Variants in MOB2 observed in about 807,000 individuals in gnomAD.
The protein encoded by MOB2 is MOB kinase activator 2.
A neutral mutation model predicts 27.4 loss-of-function variants in MOB2; 14 were observed. That is an observed-to-expected ratio of 0.51 (90% CI 0.34 to 0.80). The LOEUF (loss-of-function observed/expected upper bound fraction) is 0.80, where lower values mean the gene tolerates loss of function less well. Ranked by LOEUF, MOB2 falls within the 30% of genes least tolerant of loss-of-function variation. The pLI is 0.01. For synonymous variants in MOB2, 167 were observed against 151.8 expected (o/e 1.10, Z -0.74); for missense variants, 304 against 354.6 (o/e 0.86, Z 1.15).
At chr11:1,471,705 G>C (rs1455270841) in intron 3 of MOB2, 1 of 341,708 alleles carries the variant, frequency 2.9e-6, no homozygotes, top group Non-Finnish European at 5.3e-6. Context: ...TTAAATGAAG[G>C]GGTCATCTTC....
intron 3 of MOB2, among the ~76,000 whole-genome samples, chr11:1,478,315 C>T (rs1011368366): frequency 6.6e-6 from 1 of 152,282 alleles, no homozygotes; most frequent in Non-Finnish European, 1.5e-5. Flanking sequence ...CTGGCGTCTC[C>T]ACAAACACTC....
chr11:1,485,100 G>C (rs1214652296), intron 1 of MOB2, among the ~76,000 whole-genome samples: 1 of 152,214 alleles, frequency 6.6e-6, no homozygotes, highest in Non-Finnish European at 1.5e-5. Flanking sequence ...ATGCTCCACT[G>C]CGCCTCGGCC....
intron 3 of MOB2, among the ~76,000 whole-genome samples, chr11:1,475,909 C>T (rs1847847852): frequency 6.6e-6 from 1 of 152,246 alleles, no homozygotes; most frequent in Non-Finnish European, 1.5e-5. Flanking sequence ...ACCTTTTCAT[C>T]TTTAGGTCAA....
In MOB2 at chr11:1,479,875, C is replaced by T. The variant is rs111260158; in HGVS notation, c.365+518G>A. Among the ~76,000 whole-genome samples, 267 of 152,334 alleles carry T rather than the reference C, an allele frequency of 1.8e-3. 1 individual carries two copies. Among genetic ancestry groups the T allele is most frequent in the Admixed American group, 3.1e-3 (47 of 15,314 alleles). ...CCTGGCGGCGCTCCTTCCCATGCTA[C>T]GCAAGTGAGGTGCTCAGGGCCACTA... On this transcript the variant is annotated intron_variant, in intron 3 of 4. Coordinates refer to ENST00000329957, the MANE Select transcript of MOB2 (RefSeq NM_001172223.3).
chr11:1,480,399 C>T lies in MOB2; in HGVS notation c.359G>A (p.Cys120Tyr), dbSNP rs1311817515. The T allele has an allele frequency of 1.9e-5, 31 of 1,613,396 alleles. No individual in the cohort carries two copies. Among genetic ancestry groups the T allele is most frequent in the Middle Eastern group, 1.6e-4 (1 of 6,080 alleles). Residue 120 changes from cysteine (C) to tyrosine (Y), a missense_variant, in exon 3 of 5, where the codon TGC becomes TAC. Cys to Tyr is a radical substitution (Grantham distance 194, BLOSUM62 -2). Transcript: ENST00000329957. ...GTAGCCAGGCAGCACTCACGTGTTG[C>T]ACACGGCCATCGTCTGACACGTCTC... ...TGETCQTMAVCNTQYYWYDER... is the reference protein window; with the variant it reads ...TGETCQTMAVYNTQYYWYDER...
chr11:1,485,074 GC>G (rs1425532040), intron 1 of MOB2, among the ~76,000 whole-genome samples: 1 of 152,212 alleles, frequency 6.6e-6, no homozygotes, highest in Non-Finnish European at 1.5e-5. Context: ...TAGAACCTCA[GC>G]CCCACGTGGC....
chr11:1,478,275 G>A (rs1002276445), intron 3 of MOB2, among the ~76,000 whole-genome samples: 3 of 152,378 alleles, frequency 2.0e-5, no homozygotes, highest in South Asian at 2.1e-4. Flanking sequence ...AGGCACTGCC[G>A]GACACTACTC....
chr11:1,473,638 C>A (rs1457323603), intron 3 of MOB2, among the ~76,000 whole-genome samples: 3 of 152,342 alleles, frequency 2.0e-5, no homozygotes, highest in Admixed American at 6.5e-5. Context: ...ACAATGCAAA[C>A]CCAGAGAAAG....
intron 3 of MOB2, 77 bp from the exon 4 acceptor site, chr11:1,471,496 C>A (rs375931544): frequency 7.8e-6 from 12 of 1,536,202 alleles, no homozygotes; most frequent in East Asian, 6.8e-5. Flanking sequence ...CCGCTCAGGT[C>A]ATCTGCGGGC....
intron 1 of MOB2, among the ~76,000 whole-genome samples, chr11:1,484,937 C>T (rs1455400037): frequency 1.3e-5 from 2 of 152,184 alleles, no homozygotes; most frequent in Non-Finnish European, 2.9e-5. Context: ...CCAGACAAAG[C>T]GAGCTTTTAC....
chr11:1,484,381 T>C (rs1476263187), intron 1 of MOB2, among the ~76,000 whole-genome samples: 1 of 152,150 alleles, frequency 6.6e-6, no homozygotes, highest in Non-Finnish European at 1.5e-5. Flanking sequence ...GAGGAGGGCA[T>C]GGTCCTTGGA....
intron 3 of MOB2, among the ~76,000 whole-genome samples, chr11:1,475,447 A>G (rs1305172180): frequency 6.6e-6 from 1 of 152,136 alleles, no homozygotes; most frequent in Non-Finnish European, 1.5e-5. Context: ...CTATACATAC[A>G]TTACTAAAAT....
At chr11:1,478,285 CTT>C (rs1378441671) in intron 3 of MOB2, among the ~76,000 whole-genome samples, 3 of 152,258 alleles carry the variant, frequency 2.0e-5, no homozygotes, top group African/African-American at 7.2e-5. Flanking sequence ...GGACACTACT[CTT>C]GTCTTCTTGC....
chr11:1,475,795 G>A (rs992677639), intron 3 of MOB2, among the ~76,000 whole-genome samples: 1 of 152,206 alleles, frequency 6.6e-6, no homozygotes, highest in South Asian at 2.1e-4. Flanking sequence ...AAATTAAAGG[G>A]ACTTTTTTTC....
chr11:1,484,360 G>A lies in MOB2; in HGVS notation c.110+2087C>T, dbSNP rs150403741. Among the ~76,000 whole-genome samples, 881 of 152,270 alleles carry A rather than the reference G, an allele frequency of 5.8e-3. 7 individuals are homozygous for A. Among genetic ancestry groups the A allele is most frequent in the Non-Finnish European group, 9.4e-3 (641 of 68,004 alleles). On this transcript the variant is annotated intron_variant, in intron 1 of 4. Coordinates refer to ENST00000329957, the MANE Select transcript of MOB2 (RefSeq NM_001172223.3). ...TGGGGTGCAGGAGAAAGGCCCGCAG[G>A]TGACGCCTCTGAGGAGGGCATGGTC...
chr11:1,476,227 G>A (rs1847851146), intron 3 of MOB2, among the ~76,000 whole-genome samples: 1 of 152,262 alleles, frequency 6.6e-6, no homozygotes, highest in African/African-American at 2.4e-5. Flanking sequence ...GGAAACTGTA[G>A]ATAAGGGGGG....
chr11:1,484,692 G>T (rs1031052843), intron 1 of MOB2, among the ~76,000 whole-genome samples: 4 of 152,052 alleles, frequency 2.6e-5, no homozygotes, highest in African/African-American at 7.2e-5. Context: ...TGGGTGTTGA[G>T]GGGGGGCCTG....
chr11:1,477,390 T>C (rs1847862988), intron 3 of MOB2, among the ~76,000 whole-genome samples: 1 of 152,206 alleles, frequency 6.6e-6, no homozygotes, highest in South Asian at 2.1e-4. Context: ...CTTGTCCTCT[T>C]ACTTCTCACC....
At position 1,470,275 on chromosome 11, in the gene MOB2, G is replaced by T. The variant is rs771034936; in HGVS notation, c.704C>A (p.Thr235Asn). Reference protein sequence around the residue: ...PKETAIMDDLTEVLCSGAGGV... With the variant: ...PKETAIMDDLNEVLCSGAGGV... Reference sequence around the variant, plus strand: ...GCCGGCCCCGCTGCATAGCACCTCGGTGAGGTCGTCCATGATGGCGGTCTC... The same window carrying T: ...GCCGGCCCCGCTGCATAGCACCTCGTTGAGGTCGTCCATGATGGCGGTCTC... Residue 235 changes from threonine (T) to asparagine (N), a missense_variant, in exon 5 of 5, where the codon ACC becomes AAC. Transcript: ENST00000329957. 1.2e-6 allele frequency: 2 copies of T among 1,613,070 alleles called. No homozygotes were observed. The highest frequency in any genetic ancestry group is 3.3e-5 in the Admixed American group (2 of 60,028).
Sources: allele counts gnomAD v4.1 joint callset (sites outside exome capture counted in the v4.1 genomes callset), GRCh38; gene constraint gnomAD v4.1.1; transcripts MANE v1.5; gene names NCBI Gene and HGNC (gene_info 2026-07-23, HGNC 2026-07-21).